Variants in FAM210A observed in about 807,000 individuals in gnomAD.
The protein encoded by FAM210A is family with sequence similarity 210 member A.
A neutral mutation model predicts 25.3 loss-of-function variants in FAM210A; 13 were observed. The ratio of observed to expected loss-of-function variants is 0.51; its 90% CI spans 0.33 to 0.82. The LOEUF (loss-of-function observed/expected upper bound fraction) is 0.82, where lower values mean the gene tolerates loss of function less well. Ranked by LOEUF, FAM210A falls within the 40% of genes least tolerant of loss-of-function variation. The pLI is 0.02. For synonymous variants in FAM210A, 125 were observed against 118.7 expected (o/e 1.05, Z -0.35); for missense variants, 319 against 323.2 (o/e 0.99, Z 0.10).
At position 13,671,980 on chromosome 18, in the gene FAM210A, A is replaced by T. The variant is rs1046231509; in HGVS notation, c.474-7T>A. The T allele has an allele frequency of 2.6e-6, 4 of 1,559,530 alleles. No homozygotes were observed. Among genetic ancestry groups the T allele is most frequent in the Non-Finnish European group, 2.6e-6 (3 of 1,143,022 alleles). ...AGGAACGACATTCACTCCTCTACAA[A>T]AAAAAAAAAGTAATTTTCATATGTA... On this transcript the variant is annotated splice_region_variant and splice_polypyrimidine_tract_variant and intron_variant, in intron 2 of 3. Coordinates refer to ENST00000651643, the MANE Select transcript of FAM210A (RefSeq NM_152352.4).
rs772839661 is a variant in FAM210A, at chr18:13,663,905, G to A, written c.*2575C>T. On this transcript the variant is annotated 3_prime_UTR_variant, in exon 4 of 4. Coordinates refer to ENST00000651643, the MANE Select transcript of FAM210A (RefSeq NM_152352.4). The stretch of plus-strand genomic sequence containing the variant: ...CACTCGCAGTTCACAGAGGTTATAG[G>A]TGAATTAATCCCAAGTGTGAGGTGT... 6.6e-6 allele frequency: 1 copy of A among 152,192 alleles called. No homozygotes were observed. The highest frequency in any genetic ancestry group is 1.5e-5 in the Non-Finnish European group (1 of 68,030). The allele number at this position is 152,192 out of a possible 1,614,324, so 9.4% of individuals were successfully genotyped here.
intron 3 of FAM210A, among the ~76,000 whole-genome samples, chr18:13,671,437 C>G (rs1471141869): frequency 2.6e-5 from 4 of 152,148 alleles, no homozygotes; most frequent in Non-Finnish European, 1.5e-5. Flanking sequence ...AAACAGATGA[C>G]TACTACCATG....
At chr18:13,671,802 A>G in intron 3 of FAM210A, 60 bp downstream of exon 3, 7 of 1,034,970 alleles carry the variant, frequency 6.8e-6, no homozygotes, top group East Asian at 2.4e-5. Flanking sequence ...ATCTCATGGG[A>G]AAGTGAGCAG....
At chr18:13,718,621 A>C (rs1017436116) in intron 1 of FAM210A, among the ~76,000 whole-genome samples, 1 of 152,170 alleles carries the variant, frequency 6.6e-6, no homozygotes, top group Non-Finnish European at 1.5e-5. Context: ...CCTGAAAATA[A>C]AGGATTGAGA....
chr18:13,674,931 T>C (rs1238124495), intron 2 of FAM210A, among the ~76,000 whole-genome samples: 1 of 148,326 alleles, frequency 6.7e-6, no homozygotes, highest in Non-Finnish European at 1.5e-5. Context: ...TTAACATTCC[T>C]GAGCCGTGAC....
At chr18:13,697,221 A>G (rs2043701743) in intron 1 of FAM210A, among the ~76,000 whole-genome samples, 1 of 152,094 alleles carries the variant, frequency 6.6e-6, no homozygotes, top group African/African-American at 2.4e-5. Context: ...TATACAAAGA[A>G]CTCTTAAAAC....
chr18:13,695,330 T>G (rs1263772507), intron 1 of FAM210A, among the ~76,000 whole-genome samples: 1 of 152,166 alleles, frequency 6.6e-6, no homozygotes, highest in African/African-American at 2.4e-5. Context: ...TCTAGGACTA[T>G]AAATACCATT....
At chr18:13,716,420 C>A (rs528545568) in intron 1 of FAM210A, among the ~76,000 whole-genome samples, 1 of 152,290 alleles carries the variant, frequency 6.6e-6, no homozygotes, top group South Asian at 2.1e-4. Context: ...CAGGGATGGG[C>A]ATGTGACTTA....
chr18:13,695,621 A>G (rs951096216), intron 1 of FAM210A, among the ~76,000 whole-genome samples: 2 of 151,960 alleles, frequency 1.3e-5, no homozygotes, highest in African/African-American at 4.8e-5. Context: ...AGGACAGAAA[A>G]CCAAACATCA....
At chr18:13,668,209 C>T (rs1018669540) in intron 3 of FAM210A, among the ~76,000 whole-genome samples, 3 of 152,220 alleles carry the variant, frequency 2.0e-5, no homozygotes, top group Admixed American at 1.3e-4. Context: ...GTCACAGTGA[C>T]CTCTACAAAA....
intron 1 of FAM210A, among the ~76,000 whole-genome samples, chr18:13,703,162 CA>C (rs1254194339): frequency 6.6e-6 from 1 of 152,176 alleles, no homozygotes; most frequent in Admixed American, 6.5e-5. Context: ...CAATATCTAA[CA>C]TTTTTTACTT....
At chr18:13,675,514 C>T (rs1237869574) in intron 2 of FAM210A, among the ~76,000 whole-genome samples, 4 of 76,936 alleles carry the variant, frequency 5.2e-5, no homozygotes, top group Admixed American at 1.4e-4. Flanking sequence ...TATTAACATT[C>T]CTGAGCCCTG....
rs1568475042 is a variant in FAM210A, at chr18:13,671,850, T to G, written c.585+12A>C. 3 of 1,578,924 alleles carry G rather than the reference T, an allele frequency of 1.9e-6. No homozygotes were observed. Among genetic ancestry groups the G allele is most frequent in the Non-Finnish European group, 2.6e-6 (3 of 1,148,164 alleles). ...GAGTTCTGAGGAGCAATGGGTTTGT[T>G]ACAGTACCCACCTTAAACAAGGCAT... On this transcript the variant is annotated intron_variant, in intron 3 of 3. Coordinates refer to ENST00000651643, the MANE Select transcript of FAM210A (RefSeq NM_152352.4).
At chr18:13,721,386 T>A (rs2043896477) in intron 1 of FAM210A, among the ~76,000 whole-genome samples, 1 of 152,180 alleles carries the variant, frequency 6.6e-6, no homozygotes, top group Non-Finnish European at 1.5e-5. Context: ...TCAGTTAAGT[T>A]TATGATAATC....
At chr18:13,670,956 A>ATT (rs2043436723) in intron 3 of FAM210A, 1 of 152,998 alleles carries the variant, frequency 6.5e-6, no homozygotes, top group Non-Finnish European at 1.5e-5. Context: ...AGATCGCGCC[A>ATT]TTGTACTCCA....
intron 2 of FAM210A, among the ~76,000 whole-genome samples, chr18:13,673,289 G>A (rs543201639): frequency 1.6e-4 from 23 of 147,686 alleles, no homozygotes; most frequent in Admixed American, 7.5e-4. Context: ...CCTGAGCCCC[G>A]ACTTCTTTAT....
intron 2 of FAM210A, among the ~76,000 whole-genome samples, chr18:13,680,090 A>T (rs1287951314): frequency 1.3e-5 from 2 of 152,218 alleles, no homozygotes; most frequent in Non-Finnish European, 2.9e-5. Context: ...AGGGCAAAAG[A>T]AACACATATG....
intron 1 of FAM210A, among the ~76,000 whole-genome samples, chr18:13,712,770 A>G (rs1367783725): frequency 6.6e-6 from 1 of 152,208 alleles, no homozygotes; most frequent in Non-Finnish European, 1.5e-5. Context: ...CCCAGTTTAC[A>G]GTATTTTGCT....
chr18:13,700,002 G>A (rs1228403965), intron 1 of FAM210A, among the ~76,000 whole-genome samples: 1 of 152,124 alleles, frequency 6.6e-6, no homozygotes, highest in Non-Finnish European at 1.5e-5. Context: ...TAAATGTGAA[G>A]GAGTTTTCTC....
Sources: allele counts gnomAD v4.1 joint callset (sites outside exome capture counted in the v4.1 genomes callset), GRCh38; gene constraint gnomAD v4.1.1; transcripts MANE v1.5; gene names NCBI Gene and HGNC (gene_info 2026-07-23, HGNC 2026-07-21).